The following DYSF variants were observed in gnomAD, a reference collection of about 807,000 sequenced individuals.
DYSF encodes dysferlin.
In DYSF, 212 loss-of-function variants were observed where a neutral mutation model predicts 274.9. That is an observed-to-expected ratio of 0.77 (90% confidence interval 0.69 to 0.86). The LOEUF is 0.86. Among genes scored for constraint, DYSF ranks in the 40% least tolerant of loss-of-function variants. The probability of loss-of-function intolerance (pLI) is 0.00; values close to 1 mark genes in which losing one functional copy is unlikely to be tolerated. For missense variants in DYSF, 2,666 were observed against 2,783.2 expected (o/e 0.96, Z 0.95); for synonymous variants, 1,091 against 1,078.7 (o/e 1.01, Z -0.22).
chr2:71,548,432 G>A (rs1212257319), intron 17 of DYSF, among the ~76,000 whole-genome samples: 1 of 151,812 alleles, frequency 6.6e-6, no homozygotes, highest in Non-Finnish European at 1.5e-5. Context: ...ACCACATCCC[G>A]GGTGTGCACG....
In DYSF at chr2:71,466,825, C is replaced by T; in HGVS notation, c.-18C>T. The T allele has an allele frequency of 1.3e-6, 2 of 1,507,580 alleles. No homozygotes were observed. The highest frequency in any genetic ancestry group is 2.0e-5 in the Admixed American group (1 of 49,982). 93.4% of individuals were successfully genotyped at this position (1,507,580 alleles called of 1,614,324 possible). On this transcript the variant is annotated 5_prime_UTR_variant, in exon 1 of 56. Transcript: ENST00000410020. ...CCGCCCTGACTGCGCGCCTGTGTGC[C>T]GCCGGGGCTGCCCAGCCATGCTGTG...
At chr2:71,559,234 G>T (rs2152800403) in intron 22 of DYSF, among the ~76,000 whole-genome samples, 1 of 152,292 alleles carries the variant, frequency 6.6e-6, no homozygotes, top group Admixed American at 6.5e-5. Context: ...TGCTGCGTCT[G>T]GGGCTACACA....
chr2:71,465,835 A>G (rs1260400779), upstream of DYSF, among the ~76,000 whole-genome samples: 2 of 152,112 alleles, frequency 1.3e-5, no homozygotes, highest in Non-Finnish European at 2.9e-5. Flanking sequence ...CTGGAAAGGA[A>G]CCAGACATAA....
intron 4 of DYSF, among the ~76,000 whole-genome samples, chr2:71,503,654 C>G (rs1559022842): frequency 6.6e-6 from 1 of 152,190 alleles, no homozygotes; most frequent in Admixed American, 6.5e-5. Context: ...GTCTCCCTGG[C>G]AGACCTCCCC....
chr2:71,625,427 C>T (rs1179374764), intron 41 of DYSF, among the ~76,000 whole-genome samples: 1 of 152,096 alleles, frequency 6.6e-6, no homozygotes, highest in Non-Finnish European at 1.5e-5. Context: ...ATAGAATGAT[C>T]TGTGCTTTCT....
At chr2:71,634,753 G>T (rs191251737) in intron 41 of DYSF, among the ~76,000 whole-genome samples, 321 of 152,192 alleles carry the variant, frequency 2.1e-3, no homozygotes, top group African/African-American at 7.5e-3. Flanking sequence ...TCAGTTCTGG[G>T]TTGGGCTTCC....
chr2:71,658,915 C>A lies in DYSF; in HGVS notation c.4793C>A (p.Ala1598Asp). Reference sequence around the variant, plus strand: ...ATTTATCCCCTCCCAGAAGACCCAGCCATCCCCATGCCCCCAAGACAGTTC... The same window carrying A: ...ATTTATCCCCTCCCAGAAGACCCAGACATCCCCATGCCCCCAAGACAGTTC... Reference protein sequence around the residue: ...FKIYPLPEDPAIPMPPRQFHQ... With the variant: ...FKIYPLPEDPDIPMPPRQFHQ... Residue 1598 changes from alanine to aspartate, a missense_variant, in exon 44 of 56, where the codon GCC becomes GAC. By Grantham distance (126) the Ala-to-Asp change is moderately radical. Transcript: ENST00000410020. 1 of 1,614,214 alleles carries A rather than the reference C, an allele frequency of 6.2e-7. No homozygotes were observed. The highest frequency in any genetic ancestry group is 8.5e-7 in the Non-Finnish European group (1 of 1,180,034).
At position 71,620,531 on chromosome 2, in the gene DYSF, C is replaced by A. The variant is rs773499037; in HGVS notation, c.4465-16C>A. 1 of 1,551,604 alleles carries A rather than the reference C, an allele frequency of 6.4e-7. No homozygotes were observed. The highest frequency in any genetic ancestry group is 2.0e-5 in the Admixed American group (1 of 50,990). ...GTTCTCTAATCCTGTTGCTAACCAGCATGTTTCATTTGTAGCTTGCAGACG... is the reference window on the plus strand; with the variant it reads ...GTTCTCTAATCCTGTTGCTAACCAGAATGTTTCATTTGTAGCTTGCAGACG... On this transcript the variant is annotated splice_polypyrimidine_tract_variant and intron_variant, in intron 40 of 55. Transcript: ENST00000410020.
At chr2:71,500,423 C>G (rs1403318608) in intron 3 of DYSF, among the ~76,000 whole-genome samples, 1 of 152,134 alleles carries the variant, frequency 6.6e-6, no homozygotes, top group Non-Finnish European at 1.5e-5. Context: ...AGGGACTTGC[C>G]CCCAGGCCGA....
chr2:71,516,214 A>T lies in DYSF; in HGVS notation c.923A>T (p.Glu308Val). 6.2e-7 allele frequency: 1 copy of T among 1,613,848 alleles called. No individual in the cohort carries two copies. The highest frequency in any genetic ancestry group is 1.1e-5 in the South Asian group (1 of 91,056). Residue 308 changes from glutamate to valine, a missense_variant, in exon 9 of 56, where the codon GAG becomes GTG. This residue lies in a region of DYSF where 794 missense variants were observed against 777.1 expected (regional missense o/e 1.02). Coordinates refer to ENST00000410020, the MANE Select transcript of DYSF (RefSeq NM_001130987.2). ...TTCAACTTGTTTGACTCTCCTGGGG[A>T]GCTGTTTGATGAGCCCATCTTTATC... ...LFFNLFDSPGELFDEPIFITV... is the reference protein window; with the variant it reads ...LFFNLFDSPGVLFDEPIFITV...
At chr2:71,647,901 G>A (rs2094592055) in intron 42 of DYSF, among the ~76,000 whole-genome samples, 1 of 152,146 alleles carries the variant, frequency 6.6e-6, no homozygotes, top group Non-Finnish European at 1.5e-5. Context: ...TTACAACCGT[G>A]GATACGGAAA....
At chr2:71,600,902 C>A in intron 34 of DYSF, 60 bp downstream of exon 34, 4 of 1,598,706 alleles carry the variant, frequency 2.5e-6, no homozygotes, top group South Asian at 1.1e-5. Flanking sequence ...GGGGGCCAAC[C>A]CTCTGTGGGA....
In DYSF at chr2:71,611,351, G is replaced by A. The variant is rs200410650; in HGVS notation, c.4059+5G>A. On this transcript the variant is annotated splice_donor_5th_base_variant and intron_variant, in intron 37 of 55. Coordinates refer to ENST00000410020, the MANE Select transcript of DYSF (RefSeq NM_001130987.2). ...CTCCAGCGTACCGCCATCGAGGTGA[G>A]CCGTCCGGGCCTGGGCGTGGGGGCT... 11 of 1,613,156 alleles carry A rather than the reference G, an allele frequency of 6.8e-6. No homozygotes were observed. Among genetic ancestry groups the A allele is most frequent in the Non-Finnish European group, 9.3e-6 (11 of 1,179,870 alleles).
rs185971024 is a variant in DYSF at position 71,585,073 on chromosome 2, G to A, written c.3403-4520G>A. On this transcript the variant is annotated intron_variant, in intron 30 of 55. Coordinates refer to ENST00000410020, the MANE Select transcript of DYSF (RefSeq NM_001130987.2). The stretch of plus-strand genomic sequence containing the variant: ...GTTCTCTACAGGGCACAGTTTCCCC[G>A]AACCTGGCCACAGGGGACATTGGGC... Among the ~76,000 whole-genome samples, 117 of 152,296 alleles carry A rather than the reference G, an allele frequency of 7.7e-4. 1 individual carries two copies. The South Asian group carries it at 1.0e-2, about 13-fold the overall frequency.
At chr2:71,637,169 T>TG (rs1379333178) in intron 41 of DYSF, among the ~76,000 whole-genome samples, 2 of 152,058 alleles carry the variant, frequency 1.3e-5, no homozygotes, top group Non-Finnish European at 2.9e-5. Flanking sequence ...CTGTGAATAG[T>TG]GGGGCACTGG....
intron 1 of DYSF, among the ~76,000 whole-genome samples, chr2:71,472,774 A>C (rs944295921): frequency 5.3e-5 from 8 of 152,228 alleles, no homozygotes; most frequent in Non-Finnish European, 8.8e-5. Context: ...ATTTATTCTT[A>C]CTGAATTACT....
At chr2:71,682,433 G>A in intron 54 of DYSF, 97 bp from the exon 55 acceptor site, 1 of 1,504,898 alleles carries the variant, frequency 6.6e-7, no homozygotes, top group Non-Finnish European at 9.2e-7. Context: ...GGTGGACTGT[G>A]GAGGGCCAGG....
chr2:71,480,889 A>T lies in DYSF; in HGVS notation c.98A>T (p.Lys33Met), dbSNP rs539484245. Residue 33 changes from lysine (K) to methionine (M), a missense_variant, in exon 2 of 56, where the codon AAG becomes ATG. Lys to Met is a moderately conservative substitution (Grantham distance 95). Transcript: ENST00000410020. The part of the protein sequence containing the change: ...PVASLTFRGV[K>M]KRTKVIKNSV... Reference sequence around the variant, plus strand: ...CCTTTTGTGTCTCTTGTAGGGGTGAAGAAGAGAACCAAAGTCATCAAGAAC... The same window carrying T: ...CCTTTTGTGTCTCTTGTAGGGGTGATGAAGAGAACCAAAGTCATCAAGAAC... 2 of 1,614,056 alleles carry T rather than the reference A, an allele frequency of 1.2e-6. No individual in the cohort carries two copies. Among genetic ancestry groups the T allele is most frequent in the Non-Finnish European group, 1.7e-6 (2 of 1,179,908 alleles).
Position 71,628,435 on chromosome 2 carries a change from C to T in DYSF, c.4527+7826C>T, listed in dbSNP as rs113560889. On this transcript the variant is annotated intron_variant, in intron 41 of 55. Transcript: ENST00000410020. ...ACATTTACTTTTTTTTTTTAATATC[C>T]GTCATCTTTTTCCTGAAGTAGGGCC... 4.0e-5 allele frequency among the ~76,000 whole-genome samples: 6 copies of T among 148,184 alleles called. No homozygotes were observed. In the South Asian group the frequency reaches 8.5e-4, roughly 21 times the overall value.
Sources: allele counts gnomAD v4.1 joint callset (sites outside exome capture counted in the v4.1 genomes callset), GRCh38; gene constraint gnomAD v4.1.1; regional missense constraint gnomAD v4.1.1; transcripts MANE v1.5; gene names NCBI Gene and HGNC (gene_info 2026-07-23, HGNC 2026-07-21).